The following TSC22D1 variants were observed in gnomAD, a reference collection of about 807,000 sequenced individuals.
TSC22D1 encodes TSC22 domain family protein 1.
Under a neutral mutation model 74.2 loss-of-function variants are expected in TSC22D1, and 9 were observed. The ratio of observed to expected loss-of-function variants is 0.12; its 90% CI spans 0.07 to 0.21. The LOEUF is 0.21. Ranked by LOEUF, TSC22D1 falls within the 10% of genes least tolerant of loss-of-function variation. The pLI is 1.00. For synonymous variants in TSC22D1, 586 were observed against 492.5 expected (o/e 1.19, Z -2.51); for missense variants, 1,427 against 1,304.7 (o/e 1.09, Z -1.44).
intron 1 of TSC22D1, among the ~76,000 whole-genome samples, chr13:44,532,605 C>A (rs1410571434): frequency 6.6e-6 from 1 of 152,142 alleles, no homozygotes; most frequent in Non-Finnish European, 1.5e-5. Flanking sequence ...TCCCGAGTAG[C>A]TGGGACTATA....
At chr13:44,525,554 A>G (rs1371554857) in intron 1 of TSC22D1, among the ~76,000 whole-genome samples, 3 of 152,130 alleles carry the variant, frequency 2.0e-5, no homozygotes, top group Admixed American at 2.0e-4. Context: ...GTGCCACTGC[A>G]CTCTAGCCTG....
intron 1 of TSC22D1, among the ~76,000 whole-genome samples, chr13:44,444,676 T>A (rs184165596): frequency 6.6e-6 from 1 of 152,062 alleles, no homozygotes; most frequent in Non-Finnish European, 1.5e-5. Context: ...TGAAAAATAC[T>A]TGGGGAAAAA....
intron 1 of TSC22D1, among the ~76,000 whole-genome samples, chr13:44,450,848 G>C (rs1876070205): frequency 6.6e-6 from 1 of 152,212 alleles, no homozygotes. Flanking sequence ...CTTGGGAGTG[G>C]ATGAGATTAC....
Position 44,434,039 on chromosome 13 carries a change from T to C in TSC22D1, c.*587A>G. On this transcript the variant is annotated 3_prime_UTR_variant, in exon 3 of 3. Transcript: ENST00000458659. ...CCTAGGTCCCAGCTACCTGTCACCA[T>C]TTTGTCACTCTCATAGTTTTGTGTC... The C allele has an allele frequency of 3.3e-6, 5 of 1,533,546 alleles. No individual in the cohort carries two copies. The highest frequency in any genetic ancestry group is 4.4e-6 in the Non-Finnish European group (5 of 1,146,390). 95.0% of individuals were successfully genotyped at this position (1,533,546 alleles called of 1,614,324 possible). A position where few individuals can be genotyped will look rare whatever the true frequency, so the allele number is the denominator to read the frequency against.
intron 1 of TSC22D1, among the ~76,000 whole-genome samples, chr13:44,454,545 TTTAA>T (rs1425149545): frequency 6.6e-6 from 1 of 151,500 alleles, no homozygotes; most frequent in African/African-American, 2.4e-5. Context: ...ATCATTCCCA[TTTAA>T]TTAGTTACTA....
chr13:44,519,517 G>A (rs191598245), intron 1 of TSC22D1, among the ~76,000 whole-genome samples: 118 of 152,164 alleles, frequency 7.8e-4, no homozygotes, highest in African/African-American at 2.7e-3. Context: ...CACAAGAGAC[G>A]TCCCTGAAGT....
At chr13:44,518,620 C>T (rs1176966809) in intron 1 of TSC22D1, among the ~76,000 whole-genome samples, 1 of 152,162 alleles carries the variant, frequency 6.6e-6, no homozygotes, top group Non-Finnish European at 1.5e-5. Flanking sequence ...TACTCTAAAC[C>T]AGTAACTTCC....
chr13:44,453,583 C>G (rs1268825513), intron 1 of TSC22D1, among the ~76,000 whole-genome samples: 1 of 152,180 alleles, frequency 6.6e-6, no homozygotes, highest in Non-Finnish European at 1.5e-5. Context: ...ATATGTTTAA[C>G]AAATGGCAGA....
At chr13:44,469,527 A>T (rs1213607483) in intron 1 of TSC22D1, among the ~76,000 whole-genome samples, 1 of 152,174 alleles carries the variant, frequency 6.6e-6, no homozygotes, top group African/African-American at 2.4e-5. Flanking sequence ...CTTTCTGGTA[A>T]TCTTGAAGTT....
In TSC22D1 at chr13:44,573,184, AG is replaced by A; in HGVS notation, c.2890del (p.Leu964TrpfsTer15). On this transcript the variant is annotated frameshift_variant, in exon 1 of 3. Transcript: ENST00000458659. LOFTEE classifies it high-confidence loss of function. ...TTACCTCTCATCCTCGCCATCCACC[AG>A]GGGTGTCGTCAGCGGTAGCACCTTC... The part of the protein sequence containing the change: ...PLKVLPLTTP[L>X]VDGEDESSSG... 1 of 1,614,150 alleles carries A rather than the reference AG, an allele frequency of 6.2e-7. No individual in the cohort carries two copies. The highest frequency in any genetic ancestry group is 8.5e-7 in the Non-Finnish European group (1 of 1,179,992).
intron 1 of TSC22D1, among the ~76,000 whole-genome samples, chr13:44,517,369 C>T (rs1353917970): frequency 6.6e-6 from 1 of 151,046 alleles, no homozygotes; most frequent in East Asian, 1.9e-4. Flanking sequence ...CAAATGTACT[C>T]CTTCCTCACA....
At chr13:44,435,171 C>T in intron 2 of TSC22D1, 1 of 298,674 alleles carries the variant, frequency 3.3e-6, no homozygotes, top group Non-Finnish European at 6.1e-6. Flanking sequence ...CGCTGGGTCC[C>T]CGACTGAGAC....
At chr13:44,539,290 T>C in intron 1 of TSC22D1, 6 of 985,330 alleles carry the variant, frequency 6.1e-6, no homozygotes, top group Non-Finnish European at 7.2e-6. Flanking sequence ...TTTTAAAAGA[T>C]CTAATATGAA....
chr13:44,541,457 AAAG>A (rs1257948796), intron 1 of TSC22D1, among the ~76,000 whole-genome samples: 1 of 152,184 alleles, frequency 6.6e-6, no homozygotes, highest in Non-Finnish European at 1.5e-5. Flanking sequence ...AGAAAAGAAA[AAAG>A]AAACTGGAAA....
chr13:44,541,344 C>CA (rs1424745211), intron 1 of TSC22D1, among the ~76,000 whole-genome samples: 2 of 152,270 alleles, frequency 1.3e-5, no homozygotes, highest in African/African-American at 4.8e-5. Context: ...AACCCTTCTG[C>CA]ACAGGGACAT....
chr13:44,465,792 G>C (rs1298085581), intron 1 of TSC22D1, among the ~76,000 whole-genome samples: 7 of 152,158 alleles, frequency 4.6e-5, no homozygotes, highest in Non-Finnish European at 7.3e-5. Flanking sequence ...GGCCAACGTG[G>C]TGAAACCCTG....
intron 1 of TSC22D1, among the ~76,000 whole-genome samples, chr13:44,446,802 A>G (rs375310413): frequency 4.8e-5 from 6 of 125,176 alleles, no homozygotes; most frequent in Non-Finnish European, 1.0e-4. Context: ...AGGAGGAGGA[A>G]AAGGAGGAGG....
intron 1 of TSC22D1, among the ~76,000 whole-genome samples, chr13:44,571,387 A>G (rs1389446029): frequency 6.6e-6 from 1 of 152,200 alleles, no homozygotes; most frequent in East Asian, 1.9e-4. Context: ...AAGTAGCATC[A>G]TCTGACTTTA....
chr13:44,555,216 A>T (rs1882553273), intron 1 of TSC22D1, among the ~76,000 whole-genome samples: 1 of 152,098 alleles, frequency 6.6e-6, no homozygotes, highest in South Asian at 2.1e-4. Flanking sequence ...TTCAATAATC[A>T]CAAGTGTCTT....
Sources: gnomAD v4.1 joint callset for allele counts (sites outside exome capture counted in the v4.1 genomes callset) on GRCh38, gnomAD v4.1.1 for gene constraint, MANE v1.5 for transcripts, NCBI Gene and HGNC (gene_info 2026-07-23, HGNC 2026-07-21) for gene names.